The following MTMR8 variants were observed in gnomAD, a reference collection of about 807,000 sequenced individuals.
MTMR8 encodes the protein phosphatidylinositol-3,5-bisphosphate 3-phosphatase MTMR8.
MTMR8 carries 65 observed loss-of-function variants against 39.3 expected under a neutral mutation model. That is an observed-to-expected ratio of 1.65 (90% confidence interval 1.35 to 2.03). The LOEUF is 2.03. Among genes scored for constraint, MTMR8 ranks in the 30% most tolerant of loss-of-function variants. The pLI, the probability that MTMR8 is intolerant of heterozygous loss-of-function variation, is 0.00. For missense variants in MTMR8, 777 were observed against 538.9 expected, an observed-to-expected ratio of 1.44 and a Z score of -4.37; for synonymous variants, 245 against 185.2, an observed-to-expected ratio of 1.32 and a Z score of -2.62.
chrX:64,305,064 T>C (rs1014924755), intron 12 of MTMR8: 30 of 204,349 alleles, frequency 1.5e-4, no homozygotes, highest in Admixed American at 8.3e-4. Flanking sequence ...ACTGTTCTAT[T>C]GGTATACTGG....
intron 12 of MTMR8, among the ~76,000 whole-genome samples, chrX:64,279,841 T>C (rs932379868): frequency 2.7e-5 from 3 of 111,607 alleles, no homozygotes; most frequent in Non-Finnish European, 5.6e-5. Flanking sequence ...GCATATACAA[T>C]GAAGTGATTT....
intron 12 of MTMR8, among the ~76,000 whole-genome samples, chrX:64,294,432 T>C (rs1921498877): frequency 9.0e-6 from 1 of 111,564 alleles, no homozygotes; most frequent in African/African-American, 3.3e-5. Flanking sequence ...GCCCCATTAT[T>C]TCCACCAGAA....
At chrX:64,371,200 T>C (rs1014753037) in intron 1 of MTMR8, among the ~76,000 whole-genome samples, 1 of 111,706 alleles carries the variant, frequency 9.0e-6, no homozygotes, top group African/African-American at 3.3e-5. Flanking sequence ...CTTATTAATC[T>C]TGTAAAGTAT....
intron 1 of MTMR8, among the ~76,000 whole-genome samples, chrX:64,365,411 C>G (rs767749105): frequency 3.6e-5 from 4 of 111,602 alleles, no homozygotes; most frequent in Non-Finnish European, 7.5e-5. Context: ...CAGCGGATCT[C>G]TCAGCAGAAA....
chrX:64,271,581 C>T (rs1194032141), intron 12 of MTMR8, among the ~76,000 whole-genome samples: 6 of 112,071 alleles, frequency 5.4e-5, no homozygotes, highest in Non-Finnish European at 9.4e-5. Flanking sequence ...GCAGAAACAT[C>T]CACTCATCAT....
intron 12 of MTMR8, among the ~76,000 whole-genome samples, chrX:64,321,523 G>C (rs1458864066): frequency 1.8e-5 from 2 of 111,649 alleles, no homozygotes; most frequent in Non-Finnish European, 3.8e-5. Flanking sequence ...GTCCATTGGG[G>C]TTACCCTGTC....
intron 12 of MTMR8, among the ~76,000 whole-genome samples, chrX:64,323,069 G>A (rs185564977): frequency 0.012 from 1,337 of 112,095 alleles, 8 homozygotes; most frequent in Non-Finnish European, 0.02. Flanking sequence ...TTTGGCCCCC[G>A]TGTGACAATG....
chrX:64,306,125 T>G (rs1922109358), intron 12 of MTMR8: 4 of 229,620 alleles, frequency 1.7e-5, no homozygotes, highest in African/African-American at 5.9e-5. Context: ...AAAAATGTTT[T>G]GAAGTAAAAT....
chrX:64,367,120 C>T (rs935404011), intron 1 of MTMR8, among the ~76,000 whole-genome samples: 1 of 111,370 alleles, frequency 9.0e-6, no homozygotes, highest in Non-Finnish European at 1.9e-5. Context: ...TAATTAATAG[C>T]CTATCAACCA....
rs931670820 is a variant in MTMR8 at position 64,268,422 on chromosome X, G to C, written c.*115C>G. 1.1e-6 allele frequency: 1 copy of C among 891,751 alleles called. No individual in the cohort carries two copies. Among genetic ancestry groups the C allele is most frequent in the South Asian group, 2.5e-5 (1 of 39,739 alleles). 73.5% of individuals were successfully genotyped at this position (891,751 alleles called of 1,213,427 possible). A position where few individuals can be genotyped will look rare whatever the true frequency, so the allele number is the denominator to read the frequency against. On this transcript the variant is annotated 3_prime_UTR_variant, in exon 14 of 14. Transcript: ENST00000374852. ...TCCCTTCCAGACTTAAGTGGGGAGA[G>C]GGGTGCCCTGGCTTCACCCACTTAA... is the stretch of plus-strand genomic sequence containing the variant.
chrX:64,333,062 T>C (rs1391064224), intron 10 of MTMR8, among the ~76,000 whole-genome samples: 1 of 111,713 alleles, frequency 9.0e-6, no homozygotes, highest in Non-Finnish European at 1.9e-5. Flanking sequence ...CTTGTAATTA[T>C]TTTCCTTCTA....
At chrX:64,297,864 T>C (rs1479358650) in intron 12 of MTMR8, among the ~76,000 whole-genome samples, 2 of 107,878 alleles carry the variant, frequency 1.9e-5, no homozygotes, top group Non-Finnish European at 3.8e-5. Context: ...CTTGTTTTTC[T>C]CAGGTTTGTC....
chrX:64,282,540 A>G (rs1921001691), intron 12 of MTMR8, among the ~76,000 whole-genome samples: 2 of 111,753 alleles, frequency 1.8e-5, no homozygotes, highest in East Asian at 5.6e-4. Context: ...AAAAGAATAA[A>G]GTTGGACTCT....
intron 12 of MTMR8, among the ~76,000 whole-genome samples, chrX:64,309,473 G>A (rs1262657237): frequency 9.0e-6 from 1 of 110,689 alleles, no homozygotes. Flanking sequence ...AAAAAAAACA[G>A]TTGTTCTCTG....
chrX:64,302,345 C>A (rs866776018), intron 12 of MTMR8, among the ~76,000 whole-genome samples: 1 of 112,557 alleles, frequency 8.9e-6, no homozygotes, highest in Non-Finnish European at 1.9e-5. Flanking sequence ...GCGTCTGTCA[C>A]CCCTTTCTTT....
chrX:64,306,178 C>T, intron 12 of MTMR8: 1 of 299,809 alleles, frequency 3.3e-6, no homozygotes, highest in South Asian at 4.1e-5. Context: ...ATCTCTACAT[C>T]GGGAGGACCA....
intron 12 of MTMR8, among the ~76,000 whole-genome samples, chrX:64,280,686 A>G (rs1376092964): frequency 1.8e-5 from 2 of 111,682 alleles, no homozygotes; most frequent in Non-Finnish European, 3.8e-5. Context: ...TAGTACTGGA[A>G]GTTCCAGCCA....
intron 12 of MTMR8, among the ~76,000 whole-genome samples, chrX:64,289,945 T>C (rs1047514997): frequency 9.0e-6 from 1 of 110,749 alleles, no homozygotes; most frequent in Non-Finnish European, 1.9e-5. Flanking sequence ...CCTGGTCAAG[T>C]CATGTTCAGA....
intron 1 of MTMR8, among the ~76,000 whole-genome samples, chrX:64,370,622 T>C (rs1283829219): frequency 8.9e-6 from 1 of 111,970 alleles, no homozygotes; most frequent in Non-Finnish European, 1.9e-5. Flanking sequence ...TACTTTCTCT[T>C]ATATAGTCAT....
Sources: allele counts gnomAD v4.1 joint callset (sites outside exome capture counted in the v4.1 genomes callset), GRCh38; gene constraint gnomAD v4.1.1; transcripts MANE v1.5; gene names NCBI Gene and HGNC (gene_info 2026-07-23, HGNC 2026-07-21).